Variants in ZNF26 observed in about 807,000 individuals in gnomAD.
ZNF26 encodes the protein epididymis luminal protein 179.
In ZNF26, 32 loss-of-function variants were observed where a neutral mutation model predicts 54.9. The ratio of observed to expected loss-of-function variants is 0.58; its 90% CI spans 0.44 to 0.78. The LOEUF (loss-of-function observed/expected upper bound fraction) is 0.78, where lower values mean the gene tolerates loss of function less well. Among genes scored for constraint, ZNF26 ranks in the 30% least tolerant of loss-of-function variants. The pLI is 0.00. For synonymous variants in ZNF26, 221 were observed against 209.2 expected (o/e 1.06, Z -0.49); for missense variants, 524 against 634.0 (o/e 0.83, Z 1.86).
rs1472353703 is a variant in ZNF26, at chr12:133,016,942, A to T, written c.*5461A>T. 2 of 152,214 alleles carry T rather than the reference A, an allele frequency of 1.3e-5. No individual in the cohort carries two copies. The highest frequency in any genetic ancestry group is 6.5e-5 in the Admixed American group (1 of 15,280). The allele number at this position is 152,214 out of a possible 1,614,324, so 9.4% of individuals were successfully genotyped here. ...CTTAGGTTGACTTCTCAATAGCAACAGTAAAAATCAGAAGACAGTAAAAGA... is the reference window on the plus strand; with the variant it reads ...CTTAGGTTGACTTCTCAATAGCAACTGTAAAAATCAGAAGACAGTAAAAGA... On this transcript the variant is annotated 3_prime_UTR_variant, in exon 4 of 4. Coordinates refer to ENST00000328654, the MANE Select transcript of ZNF26 (RefSeq NM_019591.4).
chr12:132,992,406 T>C (rs1008990779), intron 1 of ZNF26, among the ~76,000 whole-genome samples: 12 of 152,160 alleles, frequency 7.9e-5, no homozygotes, highest in Non-Finnish European at 1.8e-4. Context: ...CTCTGGCTTA[T>C]CTTTGATTTT....
chr12:133,005,929 C>T (rs1593661611), intron 1 of ZNF26: 2 of 195,762 alleles, frequency 1.0e-5, no homozygotes, highest in Admixed American at 6.5e-5. Flanking sequence ...GCAGTCTTTT[C>T]GGTGTCTGAA....
rs1953499624 is a variant in ZNF26 at position 133,012,525 on chromosome 12, CTG to C, written c.*1050_*1051del. 1.5e-5 allele frequency: 2 copies of C among 134,578 alleles called. No individual in the cohort carries two copies. Among genetic ancestry groups the C allele is most frequent in the African/African-American group, 2.8e-5 (1 of 35,382 alleles). 8.3% of individuals were successfully genotyped at this position (134,578 alleles called of 1,614,324 possible). A position where few individuals can be genotyped will look rare whatever the true frequency, so the allele number is the denominator to read the frequency against. ...TCCCTTTAGAACCTGCTTCTCTGAT[CTG>C]TGTGTTTCCTCACTTCTCAATAAAA... On this transcript the variant is annotated 3_prime_UTR_variant, in exon 4 of 4. Coordinates refer to ENST00000328654, the MANE Select transcript of ZNF26 (RefSeq NM_019591.4).
chr12:133,011,084 A>T lies in ZNF26; in HGVS notation c.1205A>T (p.Glu402Val). 6.2e-7 allele frequency: 1 copy of T among 1,614,184 alleles called. No individual in the cohort carries two copies. Among genetic ancestry groups the T allele is most frequent in the Non-Finnish European group, 8.5e-7 (1 of 1,180,032 alleles). Reference sequence around the variant, plus strand: ...GGAGAGAAGCCCTATGGATGCAGTGAATGTGGGAAGGCTTTCAGCAGCAAG... The same window carrying T: ...GGAGAGAAGCCCTATGGATGCAGTGTATGTGGGAAGGCTTTCAGCAGCAAG... ...HAGEKPYGCS[E>V]CGKAFSSKSY... The change falls in exon 4 of 4, where the codon GAA (glutamate) becomes GTA (valine). Residue 402 changes from glutamate to valine, a missense_variant. Glu to Val is a moderately radical substitution (Grantham distance 121). Coordinates refer to ENST00000328654, the MANE Select transcript of ZNF26 (RefSeq NM_019591.4).
rs1265972087 is a variant in ZNF26 at position 133,026,732 on chromosome 12, G to A, written c.*15251G>A. On this transcript the variant is annotated 3_prime_UTR_variant, in exon 4 of 4. Coordinates refer to ENST00000328654, the MANE Select transcript of ZNF26 (RefSeq NM_019591.4). ...AGTAGAGGTGGGGTTTCACCATGTT[G>A]ACTAGGCTGGTCTCGAACTCCTGAC... 6.6e-6 allele frequency: 1 copy of A among 151,572 alleles called. No homozygotes were observed. The highest frequency in any genetic ancestry group is 2.4e-5 in the African/African-American group (1 of 41,254). 9.4% of individuals were successfully genotyped at this position (151,572 alleles called of 1,614,324 possible).
At chr12:132,993,042 T>TTTTTTTGG in intron 1 of ZNF26, among the ~76,000 whole-genome samples, 1 of 150,970 alleles carries the variant, frequency 6.6e-6, no homozygotes, top group Non-Finnish European at 1.5e-5. Context: ...TTTTTTTTTT[T>TTTTTTTGG]GAGATGGAGT....
In ZNF26 at chr12:133,024,327, T is replaced by C. The variant is rs1366960062; in HGVS notation, c.*12846T>C. 2 of 152,202 alleles carry C rather than the reference T, an allele frequency of 1.3e-5. No homozygotes were observed. Among genetic ancestry groups the C allele is most frequent in the African/African-American group, 2.4e-5 (1 of 41,440 alleles). The allele number at this position is 152,202 out of a possible 1,614,324, so 9.4% of individuals were successfully genotyped here. A position where few individuals can be genotyped will look rare whatever the true frequency, so the allele number is the denominator to read the frequency against. On this transcript the variant is annotated 3_prime_UTR_variant, in exon 4 of 4. Transcript: ENST00000328654. ...TTGAAGGAACACAAGGAAAGCATTA[T>C]TGAAACATGGAGAAAATGAGACTTT...
At chr12:133,000,217 AAC>A (rs1447995048) in intron 1 of ZNF26, among the ~76,000 whole-genome samples, 1 of 151,880 alleles carries the variant, frequency 6.6e-6, no homozygotes, top group Non-Finnish European at 1.5e-5. Context: ...TCAAAATTTT[AAC>A]AGTTATTTTG....
In ZNF26 at chr12:133,015,788, C is replaced by G. The variant is rs983254272; in HGVS notation, c.*4307C>G. The G allele has an allele frequency of 3.3e-5, 5 of 152,234 alleles. No individual in the cohort carries two copies. Among genetic ancestry groups the G allele is most frequent in the Non-Finnish European group, 5.9e-5 (4 of 68,040 alleles). The allele number at this position is 152,234 out of a possible 1,614,324, so 9.4% of individuals were successfully genotyped here. A position where few individuals can be genotyped will look rare whatever the true frequency, so the allele number is the denominator to read the frequency against. On this transcript the variant is annotated 3_prime_UTR_variant, in exon 4 of 4. Transcript: ENST00000328654. ...CAAAGAGGAAAGTCCAGTCTGAGAT[C>G]AGGCTGGAGGCCAAAAGGAACTCTT...
In ZNF26 at chr12:133,000,418, A is replaced by AT. The variant is rs139011460; in HGVS notation, c.34-6600dup. Among the ~76,000 whole-genome samples the AT allele has an allele frequency of 8.6e-3, 527 of 60,990 alleles. 22 individuals are homozygous for AT. The highest frequency in any genetic ancestry group is 0.029 in the African/African-American group (487 of 16,682). The allele number at this position is 60,990 out of a possible 152,430, so 40.0% of individuals were successfully genotyped here. On this transcript the variant is annotated intron_variant, in intron 1 of 3. Transcript: ENST00000328654. ...AGGCATGCGCCGCCATACCTGGCTA[A>AT]TTTTTTTTTTTTTTTTTTTTTTTTG...
chr12:132,999,795 G>A (rs1250708431), intron 1 of ZNF26, among the ~76,000 whole-genome samples: 2 of 151,770 alleles, frequency 1.3e-5, no homozygotes, highest in African/African-American at 4.8e-5. Flanking sequence ...CTGGGTTCAA[G>A]TGATTCTCCT....
At position 133,011,408 on chromosome 12, in the gene ZNF26, G is replaced by T; in HGVS notation, c.1529G>T (p.Trp510Leu). 6.2e-7 allele frequency: 1 copy of T among 1,602,658 alleles called. No homozygotes were observed. The highest frequency in any genetic ancestry group is 1.7e-5 in the Admixed American group (1 of 57,672). Residue 510 changes from tryptophan (W) to leucine (L), a missense_variant, in exon 4 of 4, where the codon TGG (tryptophan) becomes TTG (leucine). By Grantham distance (61) the Trp-to-Leu change is moderately conservative (BLOSUM62 -2). Transcript: ENST00000328654. ...HQRVHTGEKP[W>L]KCSECGKSFC... ...AGAGTTCACACCGGAGAGAAACCAT[G>T]GAAATGCTCTGAATGTGGGAAATCC...
Position 133,020,567 on chromosome 12 carries a change from T to C in ZNF26, c.*9086T>C, listed in dbSNP as rs895630870. The C allele has an allele frequency of 4.6e-5, 7 of 152,284 alleles. No homozygotes were observed. In the East Asian group the frequency reaches 1.2e-3, roughly 25 times the overall value. 9.4% of individuals were successfully genotyped at this position (152,284 alleles called of 1,614,324 possible). On this transcript the variant is annotated 3_prime_UTR_variant, in exon 4 of 4. Coordinates refer to ENST00000328654, the MANE Select transcript of ZNF26 (RefSeq NM_019591.4). Reference sequence around the variant, plus strand: ...CAGCACCAAAATACATGAAGCAAAATCTGACAGAAATGAAGAGAGACAACT... The same window carrying C: ...CAGCACCAAAATACATGAAGCAAAACCTGACAGAAATGAAGAGAGACAACT...
At chr12:132,993,763 G>GT (rs1953016792) in intron 1 of ZNF26, among the ~76,000 whole-genome samples, 1 of 152,084 alleles carries the variant, frequency 6.6e-6, no homozygotes, top group African/African-American at 2.4e-5. Context: ...GTTGCCCTAT[G>GT]TTTTTTTGCC....
At chr12:133,003,943 G>A (rs1238736346) in intron 1 of ZNF26, among the ~76,000 whole-genome samples, 3 of 152,148 alleles carry the variant, frequency 2.0e-5, no homozygotes, top group Admixed American at 6.5e-5. Context: ...TTAAACTGAT[G>A]TAAAAATGCA....
At chr12:133,000,418 A>ATTTTTT (rs139011460) in intron 1 of ZNF26, among the ~76,000 whole-genome samples, 1 of 60,954 alleles carries the variant, frequency 1.6e-5, no homozygotes, top group Non-Finnish European at 3.1e-5. Flanking sequence ...TACCTGGCTA[A>ATTTTTT]TTTTTTTTTT....
Position 133,011,206 on chromosome 12 carries a change from A to G in ZNF26, c.1327A>G (p.Ile443Val). The G allele has an allele frequency of 1.2e-6, 2 of 1,614,188 alleles. No individual in the cohort carries two copies. Among genetic ancestry groups the G allele is most frequent in the African/African-American group, 1.3e-5 (1 of 75,058 alleles). ...CTTTTGTGGAAAATCACAGCTGATT[A>G]TACATCAGAGAACTCATTCAACTGA... ...RAFCGKSQLIIHQRTHSTEKP... is the reference protein window; with the variant it reads ...RAFCGKSQLIVHQRTHSTEKP... The change falls in exon 4 of 4, where the codon ATA becomes GTA. Residue 443 changes from isoleucine to valine, a missense_variant. Transcript: ENST00000328654.
intron 3 of ZNF26, among the ~76,000 whole-genome samples, chr12:133,009,755 G>A (rs2137258733): frequency 6.6e-6 from 1 of 152,114 alleles, no homozygotes; most frequent in Non-Finnish European, 1.5e-5. Context: ...TTTGTACTTG[G>A]TGTAGTGGCG....
In ZNF26 at chr12:133,010,782, C is replaced by G. The variant is rs903171248; in HGVS notation, c.903C>G (p.Phe301Leu). The change falls in exon 4 of 4, where the codon TTC (phenylalanine) becomes TTG (leucine). Residue 301 changes from phenylalanine to leucine, a missense_variant. Physicochemically the swap from Phe to Leu is conservative, Grantham distance 22. Transcript: ENST00000328654. ...CGKAFSLKSP[F>L]VVHQRTHTGV... ...AAGCCTTTAGTTTGAAGTCTCCATT[C>G]GTTGTACACCAGAGAACTCATACAG... 6.2e-7 allele frequency: 1 copy of G among 1,613,786 alleles called. No homozygotes were observed. The highest frequency in any genetic ancestry group is 8.5e-7 in the Non-Finnish European group (1 of 1,180,000).
Sources: allele counts gnomAD v4.1 joint callset (sites outside exome capture counted in the v4.1 genomes callset), GRCh38; gene constraint gnomAD v4.1.1; transcripts MANE v1.5; gene names NCBI Gene and HGNC (gene_info 2026-07-23, HGNC 2026-07-21).